SYNE2: variants seen among roughly 807,000 people sequenced by gnomAD.
SYNE2 encodes nesprin-2.
Under a neutral mutation model 856.3 loss-of-function variants are expected in SYNE2, and 431 were observed. The ratio of observed to expected loss-of-function variants is 0.50; its 90% CI spans 0.47 to 0.55. The LOEUF is 0.55. Among genes scored for constraint, SYNE2 ranks in the 20% least tolerant of loss-of-function variants. The probability of loss-of-function intolerance (pLI) is 0.00; values close to 1 mark genes in which losing one functional copy is unlikely to be tolerated. For synonymous variants in SYNE2, 2,923 were observed against 2,872.3 expected (o/e 1.02, Z -0.56); for missense variants, 8,129 against 8,023.2 (o/e 1.01, Z -0.50).
chr14:63,881,828 A>G (rs1283828374), intron 1 of SYNE2, among the ~76,000 whole-genome samples: 1 of 152,150 alleles, frequency 6.6e-6, no homozygotes, highest in Non-Finnish European at 1.5e-5. Flanking sequence ...CAATGGCACT[A>G]TTACTGATGT....
At chr14:63,826,783 C>T (rs1018666021) in intron 1 of SYNE2, among the ~76,000 whole-genome samples, 11 of 152,002 alleles carry the variant, frequency 7.2e-5, no homozygotes, top group Non-Finnish European at 1.3e-4. Context: ...ATCTTTGTGA[C>T]CTTGTGTTAG....
chr14:63,922,773 A>G (rs947505500), intron 2 of SYNE2, among the ~76,000 whole-genome samples: 1 of 152,188 alleles, frequency 6.6e-6, no homozygotes, highest in Non-Finnish European at 1.5e-5. Flanking sequence ...ATCTATTTAG[A>G]CAAGTATTTC....
At chr14:64,175,238 A>C in intron 95 of SYNE2, 100 bp downstream of exon 95, 1 of 1,363,242 alleles carries the variant, frequency 7.3e-7, no homozygotes, top group South Asian at 1.3e-5. Flanking sequence ...AAACTATAGT[A>C]TCATGAGTTT....
chr14:63,956,318 TG>T (rs1316817116), intron 8 of SYNE2: 1 of 437,852 alleles, frequency 2.3e-6, no homozygotes, highest in African/African-American at 2.0e-5. Context: ...AATAGTAAAA[TG>T]TAATACAGTA....
At chr14:63,918,521 C>G (rs2095558508) in intron 2 of SYNE2, among the ~76,000 whole-genome samples, 1 of 152,146 alleles carries the variant, frequency 6.6e-6, no homozygotes, top group South Asian at 2.1e-4. Flanking sequence ...GATGGAATGT[C>G]TGAAGTTCTG....
At chr14:63,876,761 C>A (rs942915743) in intron 1 of SYNE2, among the ~76,000 whole-genome samples, 1 of 152,196 alleles carries the variant, frequency 6.6e-6, no homozygotes, top group Non-Finnish European at 1.5e-5. Flanking sequence ...GCTGGGATTA[C>A]AGGCATGAGC....
At chr14:64,189,937 A>G in intron 98 of SYNE2, 134 bp from the exon 99 acceptor site, 1 of 973,256 alleles carries the variant, frequency 1.0e-6, no homozygotes, top group Non-Finnish European at 1.5e-6. Flanking sequence ...TGCTGGGATT[A>G]TTGGTATGAG....
chr14:64,026,644 C>G lies in SYNE2; in HGVS notation c.6318C>G (p.Ser2106Arg). The G allele has an allele frequency of 6.2e-7, 1 of 1,613,584 alleles. No homozygotes were observed. Among genetic ancestry groups the G allele is most frequent in the South Asian group, 1.1e-5 (1 of 90,982 alleles). The change falls in exon 42 of 116, where the codon AGC becomes AGG. Residue 2106 changes from serine to arginine, a missense_variant. By Grantham distance (110) the Ser-to-Arg change is moderately radical. Around this residue, in one of 3 missense-constraint regions of SYNE2, gnomAD observed 297 missense variants for 380.9 expected, o/e 0.78. Coordinates refer to ENST00000555002, the MANE Select transcript of SYNE2 (RefSeq NM_182914.3). ...RIETIMKQAE[S>R]SEAPLVQKTL... ...AGACCATCATGAAGCAGGCTGAGAG[C>G]AGCGAGGCCCCGCTGGTTCAGAAGA...
chr14:63,977,883 G>A lies in SYNE2; in HGVS notation c.1294-22G>A, dbSNP rs373540007. 6 of 1,501,910 alleles carry A rather than the reference G, an allele frequency of 4.0e-6. No homozygotes were observed. In the African/African-American group the frequency reaches 6.9e-5, roughly 17 times the overall value. The allele number at this position is 1,501,910 out of a possible 1,614,324, so 93.0% of individuals were successfully genotyped here. On this transcript the variant is annotated intron_variant, in intron 12 of 115. Transcript: ENST00000555002. Reference sequence around the variant, plus strand: ...GTGTTTGGCAATAAGTATCGTTTATGTCATGCTGAATTTCTTTTCAGAGCC... The same window carrying A: ...GTGTTTGGCAATAAGTATCGTTTATATCATGCTGAATTTCTTTTCAGAGCC...
Position 63,896,007 on chromosome 14 carries a change from A to G in SYNE2, c.-51-13091A>G, listed in dbSNP as rs555318368. 5.3e-5 allele frequency among the ~76,000 whole-genome samples: 8 copies of G among 152,320 alleles called. No individual in the cohort carries two copies. The South Asian group carries it at 8.3e-4, about 16-fold the overall frequency. On this transcript the variant is annotated intron_variant, in intron 1 of 115. Transcript: ENST00000555002. ...TATAGAAGAAAAAATAGATGAGGAC[A>G]TTGGAATGAAGGAAAAATAGGGATA...
intron 45 of SYNE2, chr14:64,034,427 C>T (rs909611373): frequency 2.3e-6 from 1 of 443,994 alleles, no homozygotes; most frequent in Non-Finnish European, 4.0e-6. Flanking sequence ...TTAAATAGAC[C>T]CCAGAAGAAT....
rs149820891 is a variant in SYNE2, at chr14:64,220,552, G to A, written c.19976G>A (p.Arg6659His). The A allele has an allele frequency of 2.2e-5, 36 of 1,613,982 alleles. No individual in the cohort carries two copies. Among genetic ancestry groups the A allele is most frequent in the Non-Finnish European group, 2.8e-5 (33 of 1,180,026 alleles). Residue 6659 changes from arginine (R) to histidine (H), a missense_variant, in exon 111 of 116, where the codon CGC becomes CAC. By Grantham distance (29) the Arg-to-His change is conservative. Coordinates refer to ENST00000555002, the MANE Select transcript of SYNE2 (RefSeq NM_182914.3). ...PESTELQSRL[R>H]QLSLLWEAAQ... is the part of the protein sequence containing the mutation. ...TCCACAGAGCTCCAAAGTAGACTCC[G>A]CCAGCTGAGCCTGCTCTGGGAAGCA...
chr14:63,982,419 T>C (rs2096592419), intron 16 of SYNE2, among the ~76,000 whole-genome samples: 1 of 150,590 alleles, frequency 6.6e-6, no homozygotes, highest in Non-Finnish European at 1.5e-5. Context: ...AGTCAGTCTC[T>C]GCAAAGAATG....
At chr14:64,093,018 C>T (rs571107514) in intron 60 of SYNE2, among the ~76,000 whole-genome samples, 1 of 148,644 alleles carries the variant, frequency 6.7e-6, no homozygotes, top group African/African-American at 2.5e-5. Context: ...AGTAACTTCT[C>T]AAAAGTTAGC....
rs767779958 is a variant in SYNE2, at chr14:63,990,552, G to A, written c.2455G>A (p.Ala819Thr). 1 of 1,613,910 alleles carries A rather than the reference G, an allele frequency of 6.2e-7. No homozygotes were observed. The highest frequency in any genetic ancestry group is 1.1e-5 in the South Asian group (1 of 91,076). ...TGGGCTTCAGGCAAAGATTCAAGAAGCTAAAGAGAAAGTCCAGGTCTCTCT... is the reference window on the plus strand; with the variant it reads ...TGGGCTTCAGGCAAAGATTCAAGAAACTAAAGAGAAAGTCCAGGTCTCTCT... ...TTGLQAKIQE[A>T]KEKVQINVVK... The change falls in exon 20 of 116, where the codon GCT becomes ACT. Residue 819 changes from alanine (A) to threonine (T), a missense_variant. Coordinates refer to ENST00000555002, the MANE Select transcript of SYNE2 (RefSeq NM_182914.3).
In SYNE2 at chr14:64,021,910, T is replaced by G; in HGVS notation, c.5406T>G (p.Asn1802Lys). 6.2e-7 allele frequency: 1 copy of G among 1,614,014 alleles called. No individual in the cohort carries two copies. Among genetic ancestry groups the G allele is most frequent in the Non-Finnish European group, 8.5e-7 (1 of 1,179,952 alleles). ...QQKHSMILLE[N>K]QIGCLTPELS... ...AACACAGTATGATATTACTTGAGAA[T>G]CAAATAGGTTGTCTGACTCCTGAAC... Residue 1802 changes from asparagine (N) to lysine (K), a missense_variant, in exon 37 of 116, where the codon AAT becomes AAG. Asn to Lys is a moderately conservative substitution (Grantham distance 94). Transcript: ENST00000555002.
intron 53 of SYNE2, 110 bp downstream of exon 53, chr14:64,074,246 G>GGAGA: frequency 9.1e-7 from 1 of 1,101,938 alleles, no homozygotes; most frequent in South Asian, 1.3e-5. Flanking sequence ...AGCGGTCTGG[G>GGAGA]GAGAGAGAGA....
chr14:64,080,576 C>A lies in SYNE2; in HGVS notation c.11284C>A (p.Pro3762Thr), dbSNP rs2097512470. 1 of 1,614,160 alleles carries A rather than the reference C, an allele frequency of 6.2e-7. No homozygotes were observed. The highest frequency in any genetic ancestry group is 8.5e-7 in the Non-Finnish European group (1 of 1,180,032). The change falls in exon 56 of 116, where the codon CCT becomes ACT. Residue 3762 changes from proline (P) to threonine (T), a missense_variant. Pro to Thr is a conservative substitution (Grantham distance 38). Coordinates refer to ENST00000555002, the MANE Select transcript of SYNE2 (RefSeq NM_182914.3). ...AQEWMDNLMI[P>T]FQQYQQVSQR... ...AGAATGGATGGATAACTTGATGATT[C>A]CTTTCCAGCAGTATCAGCAAGTATC...
chr14:63,890,053 CTTTTTTTTTTTTT>C (rs71123813), intron 1 of SYNE2, among the ~76,000 whole-genome samples: 3 of 95,062 alleles, frequency 3.2e-5, no homozygotes, highest in African/African-American at 8.4e-5. Context: ...TTCTTTCTTT[CTTTTTTTTTTTTT>C]TTTTTTTTGA....
Sources: allele counts gnomAD v4.1 joint callset (sites outside exome capture counted in the v4.1 genomes callset), GRCh38; gene constraint gnomAD v4.1.1; regional missense constraint gnomAD v4.1.1; transcripts MANE v1.5; gene names NCBI Gene and HGNC (gene_info 2026-07-23, HGNC 2026-07-21).